The following PKNOX2 variants were observed in gnomAD, a reference collection of about 807,000 sequenced individuals.
PKNOX2 encodes homeobox protein PKNOX2.
PKNOX2 carries 14 observed loss-of-function variants against 53.1 expected under a neutral mutation model. The observed-to-expected ratio is 0.26, with a 90% CI of 0.17 to 0.41. The LOEUF (loss-of-function observed/expected upper bound fraction) is 0.41, where lower values mean the gene tolerates loss of function less well. Among genes scored for constraint, PKNOX2 ranks in the 10% least tolerant of loss-of-function variants. The pLI, the probability that PKNOX2 is intolerant of heterozygous loss-of-function variation, is 1.00. For synonymous variants in PKNOX2, 257 were observed against 242.8 expected, an observed-to-expected ratio of 1.06 and a Z score of -0.54; for missense variants, 496 against 602.8, an observed-to-expected ratio of 0.82 and a Z score of 1.85.
chr11:125,175,243 G>GGAAGGAAA (rs200775785), intron 1 of PKNOX2, among the ~76,000 whole-genome samples: 5 of 102,834 alleles, frequency 4.9e-5, no homozygotes, highest in Admixed American at 3.5e-4. Flanking sequence ...AAGGAAGGAA[G>GGAAGGAAA]GAAGGAAAGA....
chr11:125,416,391 T>C, intron 10 of PKNOX2, among the ~76,000 whole-genome samples: 1 of 151,878 alleles, frequency 6.6e-6, no homozygotes, highest in Non-Finnish European at 1.5e-5. Context: ...TCCAGATTTT[T>C]ATTATGTATT....
intron 2 of PKNOX2, among the ~76,000 whole-genome samples, chr11:125,310,310 C>T (rs1402249410): frequency 6.6e-6 from 1 of 151,964 alleles, no homozygotes; most frequent in African/African-American, 2.4e-5. Context: ...GCCTGAGCAA[C>T]ATGGTGAAAC....
chr11:125,361,057 C>A (rs1418838305), intron 4 of PKNOX2, among the ~76,000 whole-genome samples: 3 of 152,216 alleles, frequency 2.0e-5, no homozygotes, highest in African/African-American at 7.2e-5. Flanking sequence ...TCTTTTGTGA[C>A]CTGAGGATTC....
intron 10 of PKNOX2, among the ~76,000 whole-genome samples, chr11:125,413,347 C>A (rs1211560380): frequency 6.6e-6 from 1 of 152,196 alleles, no homozygotes; most frequent in Non-Finnish European, 1.5e-5. Flanking sequence ...AGGGGGAACG[C>A]CCAGGTCTCC....
At chr11:125,227,862 G>A (rs1941843082) in intron 1 of PKNOX2, among the ~76,000 whole-genome samples, 1 of 152,230 alleles carries the variant, frequency 6.6e-6, no homozygotes, top group Non-Finnish European at 1.5e-5. Context: ...CACTGGGTCT[G>A]TGGCACCTGC....
At chr11:125,396,580 TAAA>T (rs34795718) in intron 6 of PKNOX2, among the ~76,000 whole-genome samples, 5,463 of 138,216 alleles carry the variant, frequency 0.04, 252 homozygotes, top group African/African-American at 0.11. Flanking sequence ...CAGAAACTTT[TAAA>T]AAAAAAAAAA....
intron 2 of PKNOX2, among the ~76,000 whole-genome samples, chr11:125,311,484 G>A (rs1591523055): frequency 6.6e-6 from 1 of 152,320 alleles, no homozygotes; most frequent in South Asian, 2.1e-4. Context: ...GAATTCTGGT[G>A]TATGCAAAGT....
At chr11:125,323,208 C>T (rs1363138708) in intron 2 of PKNOX2, among the ~76,000 whole-genome samples, 1 of 152,106 alleles carries the variant, frequency 6.6e-6, no homozygotes, top group Non-Finnish European at 1.5e-5. Context: ...GGATCCTGGG[C>T]TCTGCTTTGA....
At chr11:125,376,389 C>A (rs187526185) in intron 5 of PKNOX2, among the ~76,000 whole-genome samples, 2 of 152,196 alleles carry the variant, frequency 1.3e-5, no homozygotes, top group Non-Finnish European at 2.9e-5. Flanking sequence ...CTCCCACCCC[C>A]CTCTGTTCTC....
chr11:125,227,520 C>T (rs966478052), intron 1 of PKNOX2, among the ~76,000 whole-genome samples: 3 of 152,302 alleles, frequency 2.0e-5, no homozygotes, highest in Non-Finnish European at 2.9e-5. Flanking sequence ...ATAGTATCCT[C>T]GAGGTTCATC....
intron 3 of PKNOX2, among the ~76,000 whole-genome samples, chr11:125,344,564 C>G (rs1252453748): frequency 1.3e-5 from 2 of 152,210 alleles, no homozygotes; most frequent in Non-Finnish European, 2.9e-5. Flanking sequence ...TGCTCTGTCC[C>G]CACTCTGTTC....
chr11:125,403,196 T>C (rs977869060), intron 7 of PKNOX2, among the ~76,000 whole-genome samples: 3 of 152,122 alleles, frequency 2.0e-5, no homozygotes, highest in Non-Finnish European at 4.4e-5. Context: ...TCTGGGGATA[T>C]AAAAAATGGA....
intron 1 of PKNOX2, among the ~76,000 whole-genome samples, chr11:125,218,852 A>G (rs1565472026): frequency 6.6e-6 from 1 of 152,184 alleles, no homozygotes; most frequent in Non-Finnish European, 1.5e-5. Context: ...CAGTACCAGG[A>G]CTGCTCTAGG....
intron 2 of PKNOX2, among the ~76,000 whole-genome samples, chr11:125,294,302 G>GC (rs951550358): frequency 9.2e-5 from 14 of 152,236 alleles, no homozygotes; most frequent in African/African-American, 3.1e-4. Context: ...CCTGAGGTAA[G>GC]CCCCCCCATC....
rs919690597 is a variant in PKNOX2 at position 125,166,647 on chromosome 11, A to C, written c.-201+1871A>C. On this transcript the variant is annotated intron_variant, in intron 1 of 12. Transcript: ENST00000298282. The surrounding 1 kb of genome is among the most constrained non-coding windows in gnomAD (Gnocchi z 4.0). The stretch of plus-strand genomic sequence containing the variant: ...GGGGCAGCGCTAGCAGCGAGGTGCC[A>C]CAGTGGGCCGAGGAGTCTGGGCTGT... 2.6e-5 allele frequency among the ~76,000 whole-genome samples: 4 copies of C among 152,166 alleles called. No homozygotes were observed. The highest frequency in any genetic ancestry group is 9.6e-5 in the African/African-American group (4 of 41,464).
intron 2 of PKNOX2, among the ~76,000 whole-genome samples, chr11:125,319,297 G>T (rs1949383543): frequency 6.6e-6 from 1 of 152,070 alleles, no homozygotes; most frequent in Non-Finnish European, 1.5e-5. Flanking sequence ...TAACATCAAA[G>T]ATCACTCATC....
At position 125,192,095 on chromosome 11, in the gene PKNOX2, G is replaced by T. The variant is rs143333067; in HGVS notation, c.-201+27319G>T. ...GAAGAGATGTGAGGGGCAGGCTGGGGAATTGCGGCAGGGGGAGGGCTGAGG... is the reference window on the plus strand; with the variant it reads ...GAAGAGATGTGAGGGGCAGGCTGGGTAATTGCGGCAGGGGGAGGGCTGAGG... On this transcript the variant is annotated intron_variant, in intron 1 of 12. Transcript: ENST00000298282. 3.0e-3 allele frequency among the ~76,000 whole-genome samples: 459 copies of T among 152,268 alleles called. 1 individual carries two copies. The highest frequency in any genetic ancestry group is 0.01 in the African/African-American group (427 of 41,560).
At position 125,240,217 on chromosome 11, in the gene PKNOX2, AG is replaced by A. The variant is rs1565476958; in HGVS notation, c.-130+5104del. On this transcript the variant is annotated intron_variant, in intron 2 of 12. Coordinates refer to ENST00000298282, the MANE Select transcript of PKNOX2 (RefSeq NM_001382323.2). This position sits in a 1 kb window ranked among gnomAD's most constrained non-coding sequence, Gnocchi z 4.3. ...GCAAAGAGTCTGTTTCCCTGGCCCA[AG>A]GAGGCCGAGTGGAGCCGGCCCAGAG... The A allele has an allele frequency of 4.6e-5, 7 of 152,318 alleles. No individual in the cohort carries two copies. In the South Asian group the frequency reaches 1.2e-3, roughly 27 times the overall value. The allele number at this position is 152,318 out of a possible 1,614,324, so 9.4% of individuals were successfully genotyped here.
chr11:125,427,446 G>T (rs1311906925), intron 10 of PKNOX2, among the ~76,000 whole-genome samples: 1 of 152,164 alleles, frequency 6.6e-6, no homozygotes, highest in East Asian at 1.9e-4. Flanking sequence ...CTTTTCCACC[G>T]ATAATGCGAG....
Sources: allele counts gnomAD v4.1 joint callset (sites outside exome capture counted in the v4.1 genomes callset), GRCh38; gene constraint gnomAD v4.1.1; non-coding constraint Gnocchi (gnomAD v3.1); transcripts MANE v1.5; gene names NCBI Gene and HGNC (gene_info 2026-07-23, HGNC 2026-07-21).